Variants in OR2M3 observed in about 807,000 individuals in gnomAD.
OR2M3 encodes the protein olfactory receptor family 2 subfamily M member 3, also known as olfactory receptor 2M3.
OR2M3 carries 1 observed loss-of-function variant against 4.3 expected under a neutral mutation model. The ratio of observed to expected loss-of-function variants is 0.23; its 90% CI spans 0.08 to 1.11. The LOEUF is 1.11. Among genes scored for constraint, OR2M3 ranks in the 50% most tolerant of loss-of-function variants. The pLI is 0.54. For synonymous variants in OR2M3, 151 were observed against 139.4 expected (o/e 1.08, Z -0.59); for missense variants, 410 against 390.4 (o/e 1.05, Z -0.42).
At chr1:248,199,968 G>T (rs1321383052) in intron 1 of OR2M3, among the ~76,000 whole-genome samples, 2 of 152,130 alleles carry the variant, frequency 1.3e-5, no homozygotes, top group Non-Finnish European at 2.9e-5. Flanking sequence ...TCATGATTCA[G>T]TGGAGTTTAA....
rs190543591 is a variant in OR2M3 at position 248,206,041 on chromosome 1, G to A, written c.*2035G>A. 2 of 151,026 alleles carry A rather than the reference G, an allele frequency of 1.3e-5. No individual in the cohort carries two copies. Among genetic ancestry groups the A allele is most frequent in the South Asian group, 2.1e-4 (1 of 4,790 alleles). The allele number at this position is 151,026 out of a possible 1,614,324, so 9.4% of individuals were successfully genotyped here. On this transcript the variant is annotated 3_prime_UTR_variant, in exon 2 of 2. Coordinates refer to ENST00000641626, the MANE Select transcript of OR2M3 (RefSeq NM_001004689.2). Reference sequence around the variant, plus strand: ...GGTATACTCCTTAATATTTTGTGTTGTTGTTGTTATATTATTTGCTTCTGT... The same window carrying A: ...GGTATACTCCTTAATATTTTGTGTTATTGTTGTTATATTATTTGCTTCTGT...
In OR2M3 at chr1:248,211,870, G is replaced by C. The variant is rs1666286143; in HGVS notation, c.*7864G>C. ...CTATTGCTGTCACATTCCCTATAAG[G>C]AAAATCATTTAATCTTAGTTGCACA... is the stretch of plus-strand genomic sequence containing the variant. On this transcript the variant is annotated 3_prime_UTR_variant, in exon 2 of 2. Coordinates refer to ENST00000641626, the MANE Select transcript of OR2M3 (RefSeq NM_001004689.2). The C allele has an allele frequency of 6.6e-6, 1 of 152,096 alleles. No homozygotes were observed. Among genetic ancestry groups the C allele is most frequent in the African/African-American group, 2.4e-5 (1 of 41,402 alleles). The allele number at this position is 152,096 out of a possible 1,614,324, so 9.4% of individuals were successfully genotyped here. A position where few individuals can be genotyped will look rare whatever the true frequency, so the allele number is the denominator to read the frequency against.
intron 1 of OR2M3, among the ~76,000 whole-genome samples, chr1:248,197,946 A>G (rs75949272): frequency 0.027 from 4,039 of 152,218 alleles, 191 homozygotes; most frequent in African/African-American, 0.092. Context: ...AGCTATGCAG[A>G]TATTCCAAAG....
At position 248,203,917 on chromosome 1, in the gene OR2M3, A is replaced by G; in HGVS notation, c.850A>G (p.Met284Val). 3 of 1,613,878 alleles carry G rather than the reference A, an allele frequency of 1.9e-6. No individual in the cohort carries two copies. The highest frequency in any genetic ancestry group is 2.5e-6 in the Non-Finnish European group (3 of 1,179,902). The change falls in exon 2 of 2, where the codon ATG (methionine) becomes GTG (valine). Residue 284 changes from methionine (M) to valine (V), a missense_variant. Physicochemically the swap from Met to Val is conservative, Grantham distance 21. Coordinates refer to ENST00000641626, the MANE Select transcript of OR2M3 (RefSeq NM_001004689.2). Reference protein sequence around the residue: ...VSVFYTILTPMLNPLIYSLRN... With the variant: ...VSVFYTILTPVLNPLIYSLRN... ...TGTATTCTACACCATCCTCACTCCC[A>G]TGTTGAATCCCCTCATCTACAGCCT...
rs187769367 is a variant in OR2M3 at position 248,198,888 on chromosome 1, G to A, written c.-19+1587G>A. ...GTACCACAGTGTCATGAAATCTGAT[G>A]ATGATTTTCATGGTTTCTATGTTAC... On this transcript the variant is annotated intron_variant, in intron 1 of 1. Transcript: ENST00000641626. Among the ~76,000 whole-genome samples the A allele has an allele frequency of 4.6e-5, 7 of 152,002 alleles. No individual in the cohort carries two copies. In the East Asian group the frequency reaches 1.2e-3, roughly 25 times the overall value.
chr1:248,203,816 T>C lies in OR2M3; in HGVS notation c.749T>C (p.Met250Thr), dbSNP rs1206875235. 1.2e-6 allele frequency: 2 copies of C among 1,613,238 alleles called. No homozygotes were observed. Among genetic ancestry groups the C allele is most frequent in the Non-Finnish European group, 8.5e-7 (1 of 1,179,822 alleles). ...TCSSHLLVVG[M>T]YYGAALFMYI... Reference sequence around the variant, plus strand: ...TCCTCTCACCTCTTGGTGGTGGGAATGTACTATGGAGCAGCTTTGTTCATG... The same window carrying C: ...TCCTCTCACCTCTTGGTGGTGGGAACGTACTATGGAGCAGCTTTGTTCATG... Residue 250 changes from methionine (M) to threonine (T), a missense_variant, in exon 2 of 2, where the codon ATG (methionine) becomes ACG (threonine). Transcript: ENST00000641626.
rs1477667239 is a variant in OR2M3, at chr1:248,203,467, A to G, written c.400A>G (p.Asn134Asp). Residue 134 changes from asparagine to aspartate, a missense_variant, in exon 2 of 2, where the codon AAT becomes GAT. Asn to Asp is a conservative substitution (Grantham distance 23). Transcript: ENST00000641626. ...TAICHPLRYT[N>D]LMSPKICGLM... is the part of the protein sequence containing the mutation. ...CATTTGCCACCCTCTAAGATACACC[A>G]ATCTCATGAGCCCTAAAATTTGTGG... The G allele has an allele frequency of 9.9e-6, 16 of 1,613,714 alleles. No homozygotes were observed. The highest frequency in any genetic ancestry group is 3.3e-4 in the Middle Eastern group (2 of 6,080).
chr1:248,211,051 A>G lies in OR2M3; in HGVS notation c.*7045A>G, dbSNP rs978372326. 1.3e-5 allele frequency: 2 copies of G among 152,230 alleles called. No individual in the cohort carries two copies. Among genetic ancestry groups the G allele is most frequent in the Admixed American group, 6.5e-5 (1 of 15,282 alleles). The allele number at this position is 152,230 out of a possible 1,614,324, so 9.4% of individuals were successfully genotyped here. A position where few individuals can be genotyped will look rare whatever the true frequency, so the allele number is the denominator to read the frequency against. ...ATCATAAATGTTGAAGTATGCACCA[A>G]GGTAGCAAACAAATCTTCTTTTCCC... On this transcript the variant is annotated 3_prime_UTR_variant, in exon 2 of 2. Coordinates refer to ENST00000641626, the MANE Select transcript of OR2M3 (RefSeq NM_001004689.2).
In OR2M3 at chr1:248,209,207, ATT is replaced by A. The variant is rs1024728972; in HGVS notation, c.*5205_*5206del. The A allele has an allele frequency of 2.6e-5, 4 of 151,602 alleles. No homozygotes were observed. The highest frequency in any genetic ancestry group is 9.7e-5 in the African/African-American group (4 of 41,230). The allele number at this position is 151,602 out of a possible 1,614,324, so 9.4% of individuals were successfully genotyped here. A position where few individuals can be genotyped will look rare whatever the true frequency, so the allele number is the denominator to read the frequency against. On this transcript the variant is annotated 3_prime_UTR_variant, in exon 2 of 2. Coordinates refer to ENST00000641626, the MANE Select transcript of OR2M3 (RefSeq NM_001004689.2). ...TTTATGCTGTTTATTTCACTGAAGAATTTTTCTTTTATTTTCTGTATCATGAT... is the reference window on the plus strand; with the variant it reads ...TTTATGCTGTTTATTTCACTGAAGAATTTCTTTTATTTTCTGTATCATGAT...
rs1042460317 is a variant in OR2M3, at chr1:248,202,350, C to G, written c.-18-700C>G. The stretch of plus-strand genomic sequence containing the variant: ...ATGAGTCATAACTGATTAGAGAAAC[C>G]CACTCTAATCCAATATGATCTCACC... On this transcript the variant is annotated intron_variant, in intron 1 of 1. Coordinates refer to ENST00000641626, the MANE Select transcript of OR2M3 (RefSeq NM_001004689.2). Among the ~76,000 whole-genome samples, 93 of 152,030 alleles carry G rather than the reference C, an allele frequency of 6.1e-4. 2 individuals carry two copies. The highest frequency in any genetic ancestry group is 1.9e-4 in the Non-Finnish European group (13 of 68,020).
intron 1 of OR2M3, among the ~76,000 whole-genome samples, chr1:248,199,457 AC>A (rs1666133177): frequency 6.6e-6 from 1 of 152,066 alleles, no homozygotes; most frequent in Non-Finnish European, 1.5e-5. Flanking sequence ...TTTTTATAAG[AC>A]TACATACAAA....
At chr1:248,199,383 T>A (rs1245604949) in intron 1 of OR2M3, among the ~76,000 whole-genome samples, 1 of 151,594 alleles carries the variant, frequency 6.6e-6, no homozygotes. Context: ...ATATTCTGGT[T>A]TTTTTTGACA....
chr1:248,199,115 A>G (rs945572397), intron 1 of OR2M3, among the ~76,000 whole-genome samples: 2 of 152,098 alleles, frequency 1.3e-5, no homozygotes, highest in African/African-American at 4.8e-5. Flanking sequence ...TTACAAAACA[A>G]TGAAGTTTAT....
In OR2M3 at chr1:248,204,115, A is replaced by G; in HGVS notation, c.*109A>G. 1 of 943,982 alleles carries G rather than the reference A, an allele frequency of 1.1e-6. No homozygotes were observed. The highest frequency in any genetic ancestry group is 1.6e-6 in the Non-Finnish European group (1 of 613,530). 58.5% of individuals were successfully genotyped at this position (943,982 alleles called of 1,614,324 possible). ...GATTCATTGTGTACATAAATCTGCA[A>G]TGACATATTTATGTGCACCTATATA... On this transcript the variant is annotated 3_prime_UTR_variant, in exon 2 of 2. Transcript: ENST00000641626.
rs1373533973 is a variant in OR2M3 at position 248,212,853 on chromosome 1, T to C, written c.*8847T>C. On this transcript the variant is annotated 3_prime_UTR_variant, in exon 2 of 2. Coordinates refer to ENST00000641626, the MANE Select transcript of OR2M3 (RefSeq NM_001004689.2). ...ACTCATTTCTCTTTTGAACTCACTG[T>C]TACTAATAATTTAACATGTTTTTAC... The C allele has an allele frequency of 6.6e-6, 1 of 152,040 alleles. No homozygotes were observed. The highest frequency in any genetic ancestry group is 1.5e-5 in the Non-Finnish European group (1 of 67,980). The allele number at this position is 152,040 out of a possible 1,614,324, so 9.4% of individuals were successfully genotyped here.
In OR2M3 at chr1:248,205,671, A is replaced by G. The variant is rs1666216932; in HGVS notation, c.*1665A>G. 6.6e-6 allele frequency: 1 copy of G among 151,998 alleles called. No individual in the cohort carries two copies. The highest frequency in any genetic ancestry group is 6.6e-5 in the Admixed American group (1 of 15,262). The allele number at this position is 151,998 out of a possible 1,614,324, so 9.4% of individuals were successfully genotyped here. A position where few individuals can be genotyped will look rare whatever the true frequency, so the allele number is the denominator to read the frequency against. ...GTCTATGTCTCTATTTTTATCCAGTACCATGCTGTTTTGGTGACTATGGCT... is the reference window on the plus strand; with the variant it reads ...GTCTATGTCTCTATTTTTATCCAGTGCCATGCTGTTTTGGTGACTATGGCT... On this transcript the variant is annotated 3_prime_UTR_variant, in exon 2 of 2. Transcript: ENST00000641626.
At chr1:248,201,094 A>G (rs1450389837) in intron 1 of OR2M3, among the ~76,000 whole-genome samples, 2 of 152,124 alleles carry the variant, frequency 1.3e-5, no homozygotes, top group Non-Finnish European at 2.9e-5. Flanking sequence ...CCCTTCACAT[A>G]TTGGCTTTGC....
At position 248,203,915 on chromosome 1, in the gene OR2M3, C is replaced by T. The variant is rs763678991; in HGVS notation, c.848C>T (p.Pro283Leu). Reference protein sequence around the residue: ...MVSVFYTILTPMLNPLIYSLR... With the variant: ...MVSVFYTILTLMLNPLIYSLR... ...TCTGTATTCTACACCATCCTCACTC[C>T]CATGTTGAATCCCCTCATCTACAGC... The change falls in exon 2 of 2, where the codon CCC (proline) becomes CTC (leucine). Residue 283 changes from proline to leucine, a missense_variant. Physicochemically the swap from Pro to Leu is moderately conservative, Grantham distance 98 (BLOSUM62 -3). Coordinates refer to ENST00000641626, the MANE Select transcript of OR2M3 (RefSeq NM_001004689.2). The T allele has an allele frequency of 6.2e-7, 1 of 1,613,900 alleles. No homozygotes were observed. The highest frequency in any genetic ancestry group is 1.1e-5 in the South Asian group (1 of 91,072).
In OR2M3 at chr1:248,204,460, G is replaced by A. The variant is rs1359507442; in HGVS notation, c.*454G>A. On this transcript the variant is annotated 3_prime_UTR_variant, in exon 2 of 2. Transcript: ENST00000641626. ...TTATGACTTTTTGTCTCATAGTTTAGTTTCAACATATGAATGTGAACGTAT... is the reference window on the plus strand; with the variant it reads ...TTATGACTTTTTGTCTCATAGTTTAATTTCAACATATGAATGTGAACGTAT... The A allele has an allele frequency of 1.3e-5, 2 of 153,954 alleles. No individual in the cohort carries two copies. The highest frequency in any genetic ancestry group is 2.4e-5 in the African/African-American group (1 of 41,376). The allele number at this position is 153,954 out of a possible 1,614,324, so 9.5% of individuals were successfully genotyped here.
Sources: allele counts gnomAD v4.1 joint callset (sites outside exome capture counted in the v4.1 genomes callset), GRCh38; gene constraint gnomAD v4.1.1; transcripts MANE v1.5; gene names NCBI Gene and HGNC (gene_info 2026-07-23, HGNC 2026-07-21).